Variants in PDE4D observed in about 807,000 individuals in gnomAD.
PDE4D encodes the protein phosphodiesterase 4D.
PDE4D carries 24 observed loss-of-function variants against 87.4 expected under a neutral mutation model. The observed-to-expected ratio is 0.27, with a 90% confidence interval of 0.20 to 0.39. The LOEUF (loss-of-function observed/expected upper bound fraction) is 0.39. Ranked by LOEUF, PDE4D falls within the 10% of genes least tolerant of loss-of-function variation. The pLI, the probability that PDE4D is intolerant of heterozygous loss-of-function variation, is 1.00. For missense variants in PDE4D, 714 were observed against 1,041.0 expected, an observed-to-expected ratio of 0.69 and a Z score of 4.32; for synonymous variants, 384 against 383.2, an observed-to-expected ratio of 1.00 and a Z score of -0.02.
intron 3 of PDE4D, among the ~76,000 whole-genome samples, chr5:59,925,188 A>ACTT (rs1755120457): frequency 2.6e-5 from 4 of 151,146 alleles, no homozygotes; most frequent in African/African-American, 9.7e-5. Flanking sequence ...AAAAAAAGAA[A>ACTT]CAATGAAAGT....
At chr5:60,433,816 C>T (rs181338512) in intron 1 of PDE4D, among the ~76,000 whole-genome samples, 115 of 152,328 alleles carry the variant, frequency 7.5e-4, no homozygotes, top group South Asian at 4.3e-3. Flanking sequence ...AGAACTAACA[C>T]AGGAACAGAA....
At chr5:59,595,074 A>T (rs1561287459) in intron 1 of PDE4D, among the ~76,000 whole-genome samples, 1 of 152,178 alleles carries the variant, frequency 6.6e-6, no homozygotes, top group Non-Finnish European at 1.5e-5. Context: ...GTTACATGAC[A>T]AGCATTAACA....
At chr5:60,089,662 A>C (rs1045642104) in intron 2 of PDE4D, among the ~76,000 whole-genome samples, 2 of 151,898 alleles carry the variant, frequency 1.3e-5, no homozygotes, top group Non-Finnish European at 2.9e-5. Flanking sequence ...TCAAACTCAA[A>C]ATTAGTAGAA....
chr5:60,276,146 T>C (rs1414207137), intron 1 of PDE4D, among the ~76,000 whole-genome samples: 1 of 152,188 alleles, frequency 6.6e-6, no homozygotes, highest in Non-Finnish European at 1.5e-5. Flanking sequence ...TTAGATCCAG[T>C]TGGTTGATGG....
intron 1 of PDE4D, among the ~76,000 whole-genome samples, chr5:59,832,988 GGA>G (rs1402523832): frequency 6.6e-6 from 1 of 152,008 alleles, no homozygotes; most frequent in Non-Finnish European, 1.5e-5. Context: ...TGGGGGAAAT[GGA>G]GAGGTCAGTG....
intron 2 of PDE4D, among the ~76,000 whole-genome samples, chr5:59,194,535 T>C (rs895227992): frequency 6.6e-6 from 1 of 152,142 alleles, no homozygotes; most frequent in African/African-American, 2.4e-5. Flanking sequence ...TTGTTACCAA[T>C]AGCTAGAATA....
chr5:59,690,178 A>ATG (rs1750665660), intron 1 of PDE4D, among the ~76,000 whole-genome samples: 3 of 152,212 alleles, frequency 2.0e-5, no homozygotes, highest in African/African-American at 7.2e-5. Flanking sequence ...ATCCCCATCA[A>ATG]GCTACCAATG....
At chr5:59,988,695 G>C in exon 3 of PDE4D, 11 of 1,595,192 alleles carry the variant, frequency 6.9e-6, no homozygotes, top group Non-Finnish European at 9.4e-6. Flanking sequence ...TTCATTACTG[G>C]AATGTAGTGT....
At chr5:59,405,825 T>A (rs1329321409) in intron 1 of PDE4D, among the ~76,000 whole-genome samples, 2 of 152,224 alleles carry the variant, frequency 1.3e-5, no homozygotes, top group African/African-American at 4.8e-5. Context: ...ATATGATGTA[T>A]CACACTGACT....
intron 1 of PDE4D, among the ~76,000 whole-genome samples, chr5:59,766,665 C>T (rs920785588): frequency 3.3e-5 from 5 of 152,222 alleles, no homozygotes; most frequent in Non-Finnish European, 4.4e-5. Flanking sequence ...GTCCTGGCTC[C>T]GTAGGAACTC....
At position 59,887,739 on chromosome 5, in the gene PDE4D, T is replaced by TTG. The variant is rs542926434; in HGVS notation, c.455+5427_455+5428dup. ...GCCATCAGTGTGTGTGTGTGTGTGT[T>TTG]TGTGTGTGTGTGTGTGTGTAAATGT... On this transcript the variant is annotated intron_variant, in intron 1 of 14. Transcript: ENST00000340635. 1.5e-3 allele frequency among the ~76,000 whole-genome samples: 218 copies of TTG among 149,038 alleles called. 1 individual carries two copies. The highest frequency in any genetic ancestry group is 3.5e-3 in the Middle Eastern group (1 of 288).
intron 12 of PDE4D, among the ~76,000 whole-genome samples, 160 bp downstream of exon 12, chr5:58,977,031 G>A (rs1256433767): frequency 6.6e-6 from 1 of 152,152 alleles, no homozygotes; most frequent in African/African-American, 2.4e-5. Flanking sequence ...ACCTATTACA[G>A]AACATCACAG....
At position 60,063,091 on chromosome 5, in the gene PDE4D, GAAAGAAGAAAGA is replaced by G. The variant is rs1186450496; in HGVS notation, c.43-74386_43-74375del. On this transcript the variant is annotated intron_variant, in intron 2 of 16. Transcript: ENST00000502484. ...AAAACTTAAAGAAGAAAGAAAGAAAGAAAGAAGAAAGAAAGAAAGAAAGAAAGAAAGAAAGAA... is the reference window on the plus strand; with the variant it reads ...AAAACTTAAAGAAGAAAGAAAGAAAGAAGAAAGAAAGAAAGAAAGAAAGAA... 6.9e-3 allele frequency among the ~76,000 whole-genome samples: 690 copies of G among 99,316 alleles called. 8 individuals are homozygous for G. The highest frequency in any genetic ancestry group is 0.025 in the African/African-American group (657 of 26,304). The allele number at this position is 99,316 out of a possible 152,430, so 65.2% of individuals were successfully genotyped here. A position where few individuals can be genotyped will look rare whatever the true frequency, so the allele number is the denominator to read the frequency against.
At chr5:59,676,713 T>C (rs536953719) in intron 1 of PDE4D, among the ~76,000 whole-genome samples, 1 of 152,348 alleles carries the variant, frequency 6.6e-6, no homozygotes, top group East Asian at 1.9e-4. Context: ...GATGTTTCAA[T>C]ACATACAATG....
intron 2 of PDE4D, among the ~76,000 whole-genome samples, chr5:60,121,153 T>G (rs778334185): frequency 5.9e-5 from 9 of 151,844 alleles, no homozygotes; most frequent in Non-Finnish European, 1.2e-4. Flanking sequence ...TGGGACCATG[T>G]GATCATGTGA....
rs548831837 is a variant in PDE4D, at chr5:58,989,927, A to G, written c.1288-8T>C. On this transcript the variant is annotated splice_polypyrimidine_tract_variant and splice_region_variant and intron_variant, in intron 9 of 14. Coordinates refer to ENST00000340635, the MANE Select transcript of PDE4D (RefSeq NM_001104631.2). ...TTTTAATAAATCCCGTTCCTGTAGG[A>G]AAAAAAATCATCTTAACATTTTTGT... 75 of 1,453,420 alleles carry G rather than the reference A, an allele frequency of 5.2e-5. No individual in the cohort carries two copies. In the South Asian group the frequency reaches 6.2e-4, roughly 12 times the overall value. 90.0% of individuals were successfully genotyped at this position (1,453,420 alleles called of 1,614,324 possible).
chr5:59,414,981 A>G (rs2153623234), intron 1 of PDE4D, among the ~76,000 whole-genome samples: 1 of 152,306 alleles, frequency 6.6e-6, no homozygotes, highest in South Asian at 2.1e-4. Context: ...TAAAGATACC[A>G]TTTTCAGAAA....
intron 2 of PDE4D, among the ~76,000 whole-genome samples, chr5:60,117,361 C>T (rs1382247841): frequency 1.3e-5 from 2 of 151,880 alleles, no homozygotes; most frequent in African/African-American, 4.8e-5. Context: ...GATTACCACT[C>T]ACAAGTCTAT....
At chr5:60,124,289 C>G (rs1287909149) in intron 2 of PDE4D, among the ~76,000 whole-genome samples, 5 of 152,124 alleles carry the variant, frequency 3.3e-5, no homozygotes, top group Non-Finnish European at 7.4e-5. Flanking sequence ...GTACTCAGAA[C>G]TTCCTCAGAT....
Sources: allele counts gnomAD v4.1 joint callset (sites outside exome capture counted in the v4.1 genomes callset), GRCh38; gene constraint gnomAD v4.1.1; transcripts MANE v1.5; gene names NCBI Gene and HGNC (gene_info 2026-07-23, HGNC 2026-07-21).